ROBO1: variants seen among roughly 807,000 people sequenced by gnomAD.
ROBO1 encodes roundabout guidance receptor 1.
A neutral mutation model predicts 195.9 loss-of-function variants in ROBO1; 149 were observed. The observed-to-expected ratio is 0.76, with a 90% CI of 0.67 to 0.87. The LOEUF (loss-of-function observed/expected upper bound fraction) is 0.87, where lower values mean the gene tolerates loss of function less well. ROBO1 is among the 40% of genes least tolerant of loss of function. The pLI, the probability that ROBO1 is intolerant of heterozygous loss-of-function variation, is 0.00. For missense variants in ROBO1, 1,933 were observed against 2,068.3 expected, an observed-to-expected ratio of 0.93 and a Z score of 1.27; for synonymous variants, 816 against 733.2, an observed-to-expected ratio of 1.11 and a Z score of -1.82.
At chr3:78,780,884 C>T (rs1390716299) in intron 4 of ROBO1, among the ~76,000 whole-genome samples, 1 of 152,058 alleles carries the variant, frequency 6.6e-6, no homozygotes, top group East Asian at 1.9e-4. Context: ...CTCACCCCTG[C>T]TTCTTTTTAT....
At chr3:79,699,623 A>G (rs1435810500) in intron 1 of ROBO1, among the ~76,000 whole-genome samples, 1 of 151,552 alleles carries the variant, frequency 6.6e-6, no homozygotes, top group Non-Finnish European at 1.5e-5. Flanking sequence ...AGTCTTGGAT[A>G]GGAGCTGCTA....
intron 3 of ROBO1, among the ~76,000 whole-genome samples, chr3:78,947,728 C>T (rs958204726): frequency 2.0e-5 from 3 of 152,052 alleles, no homozygotes; most frequent in African/African-American, 7.2e-5. Context: ...ATTAATGAAT[C>T]CAGGAGCTGG....
intron 3 of ROBO1, among the ~76,000 whole-genome samples, chr3:79,051,086 C>A (rs1295158595): frequency 6.6e-6 from 1 of 151,816 alleles, no homozygotes; most frequent in Non-Finnish European, 1.5e-5. Flanking sequence ...GATAGAGACA[C>A]AAAAAACCCT....
chr3:78,618,119 C>G, intron 26 of ROBO1, 78 bp from the exon 27 acceptor site: 1 of 1,435,460 alleles, frequency 7.0e-7, no homozygotes, highest in Non-Finnish European at 9.4e-7. Context: ...AAGAAATTCA[C>G]AAGCATGCAG....
At chr3:78,864,168 CAAACA>C in intron 4 of ROBO1, among the ~76,000 whole-genome samples, 1 of 152,256 alleles carries the variant, frequency 6.6e-6, no homozygotes, top group South Asian at 2.1e-4. Context: ...TAAAAACAAG[CAAACA>C]AAACAAACAG....
chr3:78,601,055 TCTA>T (rs1703141204), intron 29 of ROBO1, among the ~76,000 whole-genome samples: 1 of 152,226 alleles, frequency 6.6e-6, no homozygotes, highest in African/African-American at 2.4e-5. Context: ...TGGTGCTACT[TCTA>T]CTGATGCATC....
chr3:79,466,212 C>T lies in ROBO1; in HGVS notation c.88+123612G>A, dbSNP rs528565949. Among the ~76,000 whole-genome samples, 20 of 152,138 alleles carry T rather than the reference C, an allele frequency of 1.3e-4. No homozygotes were observed. In the South Asian group the frequency reaches 3.9e-3, roughly 30 times the overall value. On this transcript the variant is annotated intron_variant, in intron 2 of 30. Transcript: ENST00000464233. ...ATACATATTTTTGAAAGAATACAGA[C>T]TATAATTAGTGACATTTAAAATAAT...
intron 3 of ROBO1, among the ~76,000 whole-genome samples, chr3:79,112,235 T>C (rs981783698): frequency 6.6e-6 from 1 of 152,166 alleles, no homozygotes; most frequent in African/African-American, 2.4e-5. Context: ...ATTTTTCATA[T>C]GTGACATACT....
intron 3 of ROBO1, among the ~76,000 whole-genome samples, chr3:79,115,738 A>C (rs2079981164): frequency 6.6e-6 from 1 of 152,174 alleles, no homozygotes; most frequent in African/African-American, 2.4e-5. Context: ...AAAAGAAACA[A>C]GTAAATTTTG....
At chr3:79,051,192 T>C (rs1314396910) in intron 3 of ROBO1, among the ~76,000 whole-genome samples, 2 of 150,644 alleles carry the variant, frequency 1.3e-5, no homozygotes, top group African/African-American at 4.9e-5. Context: ...GAGAGAAGAA[T>C]CAAATAGACA....
At chr3:78,603,318 C>A (rs1413307132) in intron 29 of ROBO1, among the ~76,000 whole-genome samples, 1 of 152,126 alleles carries the variant, frequency 6.6e-6, no homozygotes, top group African/African-American at 2.4e-5. Context: ...AATAAATCCT[C>A]TTTTCTTAGG....
intron 1 of ROBO1, among the ~76,000 whole-genome samples, chr3:79,635,184 C>T (rs754667373): frequency 6.6e-6 from 1 of 152,146 alleles, no homozygotes; most frequent in East Asian, 1.9e-4. Flanking sequence ...TTTACCATCG[C>T]CTTTTCATTA....
intron 1 of ROBO1, among the ~76,000 whole-genome samples, chr3:79,654,268 C>A (rs1946096072): frequency 6.6e-6 from 1 of 151,892 alleles, no homozygotes; most frequent in Non-Finnish European, 1.5e-5. Context: ...ATTACTAGAG[C>A]TTTTGACAAA....
intron 5 of ROBO1, among the ~76,000 whole-genome samples, chr3:78,743,083 A>G (rs961240203): frequency 1.3e-5 from 2 of 152,328 alleles, no homozygotes; most frequent in African/African-American, 4.8e-5. Flanking sequence ...CACACAAAAT[A>G]TAACCTTTAA....
rs756605964 is a variant in ROBO1 at position 78,639,898 on chromosome 3, C to T, written c.2883G>A (p.Arg961=). 9.1e-6 allele frequency: 14 copies of T among 1,541,132 alleles called. No homozygotes were observed. In the Middle Eastern group the frequency reaches 5.4e-4, roughly 59 times the overall value. Residue 961 remains arginine, a splice_region_variant and synonymous_variant, in exon 22 of 31, where the codon AGG becomes AGA. Transcript: ENST00000464233. ...RGGEAVSSGG[R]PGLLNISEPA... The stretch of plus-strand genomic sequence containing the variant: ...GTTCACTGATGTTGAGAAGTCCAGG[C>T]CTAAATAAAAAAAAAATATTAAAGC...
chr3:79,349,040 A>G (rs1333252640), intron 2 of ROBO1, among the ~76,000 whole-genome samples: 1 of 152,212 alleles, frequency 6.6e-6, no homozygotes, highest in Non-Finnish European at 1.5e-5. Context: ...CTCTGTTTGT[A>G]TCTTGTTCAT....
chr3:79,282,741 T>C (rs886981654), intron 2 of ROBO1, among the ~76,000 whole-genome samples: 49 of 152,268 alleles, frequency 3.2e-4, no homozygotes, highest in African/African-American at 1.1e-3. Context: ...AGGAAAGGAA[T>C]ATATATTTCA....
At chr3:78,808,167 A>G (rs1207018317) in intron 4 of ROBO1, among the ~76,000 whole-genome samples, 1 of 152,174 alleles carries the variant, frequency 6.6e-6, no homozygotes, top group African/African-American at 2.4e-5. Context: ...AACTGGGTTC[A>G]ACACATCCAA....
chr3:78,680,702 TG>T (rs2080879186), intron 10 of ROBO1, among the ~76,000 whole-genome samples: 1 of 143,628 alleles, frequency 7.0e-6, no homozygotes, highest in Non-Finnish European at 1.5e-5. Flanking sequence ...GGAGAGGATG[TG>T]GAGAAATAGG....
Sources: gnomAD v4.1 joint callset for allele counts (sites outside exome capture counted in the v4.1 genomes callset) on GRCh38, gnomAD v4.1.1 for gene constraint, MANE v1.5 for transcripts, NCBI Gene and HGNC (gene_info 2026-07-23, HGNC 2026-07-21) for gene names.